The following MAPK8IP2 variants were observed in gnomAD, a reference collection of about 807,000 sequenced individuals.
The protein encoded by MAPK8IP2 is C-Jun-amino-terminal kinase-interacting protein 2.
In MAPK8IP2, 15 loss-of-function variants were observed where a neutral mutation model predicts 75.6. The ratio of observed to expected loss-of-function variants is 0.20; its 90% confidence interval spans 0.13 to 0.31. MAPK8IP2 has a LOEUF of 0.31. Ranked by LOEUF, MAPK8IP2 falls within the 10% of genes least tolerant of loss-of-function variation. MAPK8IP2 has a pLI of 1.00. For synonymous variants in MAPK8IP2, 632 were observed against 554.5 expected, an observed-to-expected ratio of 1.14 and a Z score of -1.96; for missense variants, 1,089 against 1,211.2, an observed-to-expected ratio of 0.90 and a Z score of 1.50.
chr22:50,601,595 G>T, intron 1 of MAPK8IP2, 194 bp from the exon 2 acceptor site: 1 of 566,924 alleles, frequency 1.8e-6, no homozygotes, highest in African/African-American at 1.9e-5. Flanking sequence ...GGCAGGCCTG[G>T]CTCAGATGGG....
Position 50,604,890 on chromosome 22 carries a change from G to C in MAPK8IP2, c.1591G>C (p.Gly531Arg). 6.2e-7 allele frequency: 1 copy of C among 1,608,908 alleles called. No individual in the cohort carries two copies. Among genetic ancestry groups the C allele is most frequent in the Non-Finnish European group, 8.5e-7 (1 of 1,178,574 alleles). Residue 531 changes from glycine to arginine, a missense_variant, in exon 5 of 12, where the codon GGG becomes CGG. By Grantham distance (125) the Gly-to-Arg change is moderately radical. Transcript: ENST00000329492. ...LELVSLRRCA[G>R]LGHDSEEDSG... Reference sequence around the variant, plus strand: ...GCTGGTGAGCCTGCGGCGCTGTGCTGGGCTGGGCCACGACAGCGAAGAGGA... The same window carrying C: ...GCTGGTGAGCCTGCGGCGCTGTGCTCGGCTGGGCCACGACAGCGAAGAGGA...
At chr22:50,602,138 C>T (rs988970635) in intron 2 of MAPK8IP2, among the ~76,000 whole-genome samples, 8 of 152,306 alleles carry the variant, frequency 5.3e-5, no homozygotes, top group African/African-American at 9.6e-5. Context: ...GTGGCCAGCC[C>T]GGGGCAGGGA....
Position 50,611,764 on chromosome 22 carries a change from A to G in MAPK8IP2, c.*985A>G, listed in dbSNP as rs1029921812. 1.3e-5 allele frequency: 2 copies of G among 151,918 alleles called. No homozygotes were observed. The highest frequency in any genetic ancestry group is 1.3e-4 in the Admixed American group (2 of 15,244). The allele number at this position is 151,918 out of a possible 1,614,324, so 9.4% of individuals were successfully genotyped here. On this transcript the variant is annotated 3_prime_UTR_variant, in exon 12 of 12. Coordinates refer to ENST00000329492, the MANE Select transcript of MAPK8IP2 (RefSeq NM_012324.6). This position sits in a 1 kb window ranked among gnomAD's most constrained non-coding sequence, Gnocchi z 5.5. ...ACCCTTGGGAATTCTCCCTAGATAC[A>G]CTCGATTGGCCACAGAGGAATCCGA...
chr22:50,609,934 C>T, intron 10 of MAPK8IP2: 1 of 626,216 alleles, frequency 1.6e-6, no homozygotes, highest in Non-Finnish European at 3.0e-6. Flanking sequence ...AATAGGGCCA[C>T]AGAGGGTAGC....
Position 50,607,663 on chromosome 22 carries a change from G to C in MAPK8IP2, c.2303+672G>C, listed in dbSNP as rs5770797. 0.2 allele frequency among the ~76,000 whole-genome samples: 30,172 copies of C among 151,836 alleles called. 3,466 individuals carry two copies. The highest frequency in any genetic ancestry group is 0.49 in the East Asian group (2,539 of 5,146). ...GTAGAGGGTGACCTGGAAGAGACCA[G>C]GGTGACGTCTCCCTGGGGGATGGTT... On this transcript the variant is annotated intron_variant, in intron 10 of 11. Coordinates refer to ENST00000329492, the MANE Select transcript of MAPK8IP2 (RefSeq NM_012324.6). This position sits in a 1 kb window ranked among gnomAD's most constrained non-coding sequence, Gnocchi z 5.6.
intron 8 of MAPK8IP2, 27 bp downstream of exon 8, chr22:50,605,961 G>A (rs2146687371): frequency 1.3e-6 from 2 of 1,526,910 alleles, no homozygotes; most frequent in Middle Eastern, 2.0e-4. Flanking sequence ...GGCAAGTGCA[G>A]GCTGAGGGTC....
In MAPK8IP2 at chr22:50,610,823, C is replaced by T. The variant is rs2071137345; in HGVS notation, c.*44C>T. On this transcript the variant is annotated 3_prime_UTR_variant, in exon 12 of 12. Coordinates refer to ENST00000329492, the MANE Select transcript of MAPK8IP2 (RefSeq NM_012324.6). The surrounding 1 kb of genome is among the most constrained non-coding windows in gnomAD (Gnocchi z 4.3). The stretch of plus-strand genomic sequence containing the variant: ...TCCTGGCCGTCTGCTCCAGGCGCAG[C>T]TGGGGCTGAGGATGTCTCAAGAGGC... The T allele has an allele frequency of 1.3e-6, 2 of 1,526,596 alleles. No individual in the cohort carries two copies. Among genetic ancestry groups the T allele is most frequent in the East Asian group, 2.4e-5 (1 of 41,478 alleles). The allele number at this position is 1,526,596 out of a possible 1,614,324, so 94.6% of individuals were successfully genotyped here.
rs559197151 is a variant in MAPK8IP2, at chr22:50,612,386, G to C, written c.*1607G>C. 6.6e-6 allele frequency: 1 copy of C among 152,098 alleles called. No individual in the cohort carries two copies. Among genetic ancestry groups the C allele is most frequent in the African/African-American group, 2.4e-5 (1 of 41,390 alleles). 9.4% of individuals were successfully genotyped at this position (152,098 alleles called of 1,614,324 possible). ...GTCCCTCTGTCTGAGCCCAGGATTC[G>C]TGCAACACCAGGAAGACAACAGTTG... On this transcript the variant is annotated 3_prime_UTR_variant, in exon 12 of 12. Coordinates refer to ENST00000329492, the MANE Select transcript of MAPK8IP2 (RefSeq NM_012324.6).
At position 50,600,842 on chromosome 22, in the gene MAPK8IP2, T is replaced by C. The variant is rs1363855603; in HGVS notation, c.24T>C (p.Phe8=). 7.6e-7 allele frequency: 1 copy of C among 1,309,354 alleles called. No homozygotes were observed. The highest frequency in any genetic ancestry group is 1.0e-6 in the Non-Finnish European group (1 of 1,003,678). 81.1% of individuals were successfully genotyped at this position (1,309,354 alleles called of 1,614,324 possible). A position where few individuals can be genotyped will look rare whatever the true frequency, so the allele number is the denominator to read the frequency against. MADRAEM[F]SLSTFHSLSP... ...AGATGGCGGATCGCGCGGAGATGTTTTCTCTCTCCACCTTCCACTCGCTGT... is the reference window on the plus strand; with the variant it reads ...AGATGGCGGATCGCGCGGAGATGTTCTCTCTCTCCACCTTCCACTCGCTGT... Residue 8 remains phenylalanine, a synonymous_variant, in exon 1 of 12, where the codon TTT becomes TTC. Coordinates refer to ENST00000329492, the MANE Select transcript of MAPK8IP2 (RefSeq NM_012324.6).
chr22:50,604,262 C>A lies in MAPK8IP2; in HGVS notation c.963C>A (p.Pro321=). The part of the protein sequence containing the change: ...REPPRRPAFL[P]VGPDDTNSEY... Reference sequence around the variant, plus strand: ...CCCCGCGCCGCCCCGCCTTCCTGCCCGTGGGCCCCGACGACACCAACAGCG... The same window carrying A: ...CCCCGCGCCGCCCCGCCTTCCTGCCAGTGGGCCCCGACGACACCAACAGCG... The change falls in exon 5 of 12, where the codon CCC becomes CCA. Residue 321 remains proline, a synonymous_variant. Coordinates refer to ENST00000329492, the MANE Select transcript of MAPK8IP2 (RefSeq NM_012324.6). The A allele has an allele frequency of 6.4e-7, 1 of 1,568,310 alleles. No individual in the cohort carries two copies. Among genetic ancestry groups the A allele is most frequent in the East Asian group, 2.3e-5 (1 of 42,954 alleles).
Position 50,610,454 on chromosome 22 carries a change from G to A in MAPK8IP2, c.2402+144G>A. The A allele has an allele frequency of 2.6e-6, 2 of 777,796 alleles. No homozygotes were observed. Among genetic ancestry groups the A allele is most frequent in the Admixed American group, 4.2e-5 (2 of 47,260 alleles). The allele number at this position is 777,796 out of a possible 1,614,324, so 48.2% of individuals were successfully genotyped here. On this transcript the variant is annotated intron_variant, in intron 11 of 11. Coordinates refer to ENST00000329492, the MANE Select transcript of MAPK8IP2 (RefSeq NM_012324.6). The surrounding 1 kb of genome is among the most constrained non-coding windows in gnomAD (Gnocchi z 4.3). The stretch of plus-strand genomic sequence containing the variant: ...TGTGCTGTGTAGAGAGGGCAGTGGT[G>A]GGTGACAGTTTGGGGTGCTGGGCAT...
chr22:50,601,185 G>A (rs1277626135), intron 1 of MAPK8IP2: 1 of 156,232 alleles, frequency 6.4e-6, no homozygotes, highest in Admixed American at 6.4e-5. Context: ...GACCCTCTGC[G>A]GGGGAGGATG....
intron 10 of MAPK8IP2, among the ~76,000 whole-genome samples, chr22:50,608,234 G>T (rs1014931403): frequency 6.6e-6 from 1 of 152,206 alleles, no homozygotes; most frequent in African/African-American, 2.4e-5. Context: ...GGATCCATGC[G>T]GAAACGCTGC....
Position 50,606,758 on chromosome 22 carries a change from G to A in MAPK8IP2, c.2225G>A (p.Gly742Glu). ...RGVKLSLSGG[G>E]PEFQRCSHFF... is the part of the protein sequence containing the mutation. Reference sequence around the variant, plus strand: ...GTCAAGCTGAGTCTGAGCGGAGGAGGGCCCGAGGTGGGAGTGTGGGGGACT... The same window carrying A: ...GTCAAGCTGAGTCTGAGCGGAGGAGAGCCCGAGGTGGGAGTGTGGGGGACT... Residue 742 changes from glycine to glutamate, a missense_variant, in exon 9 of 12, where the codon GGG becomes GAG. Physicochemically the swap from Gly to Glu is moderately conservative, Grantham distance 98. Transcript: ENST00000329492. 1 of 1,579,674 alleles carries A rather than the reference G, an allele frequency of 6.3e-7. No homozygotes were observed. Among genetic ancestry groups the A allele is most frequent in the South Asian group, 1.2e-5 (1 of 86,776 alleles).
At position 50,610,766 on chromosome 22, in the gene MAPK8IP2, T is replaced by A. The variant is rs2071136077; in HGVS notation, c.2462T>A (p.Ile821Asn). ...GCGTACGCCTGCCCCACGGAGGACA[T>A]CTACCTGGAGTAGCCTGCCCACCGC... ...HLAYACPTED[I>N]YLE The change falls in exon 12 of 12, where the codon ATC becomes AAC. Residue 821 changes from isoleucine (I) to asparagine (N), a missense_variant. Physicochemically the swap from Ile to Asn is moderately radical, Grantham distance 149. Around this residue, in one of 2 missense-constraint regions of MAPK8IP2, gnomAD observed 129 missense variants for 201.7 expected, o/e 0.64. Transcript: ENST00000329492. This position sits in a 1 kb window ranked among gnomAD's most constrained non-coding sequence, Gnocchi z 4.3. 1 of 1,610,140 alleles carries A rather than the reference T, an allele frequency of 6.2e-7. No homozygotes were observed. Among genetic ancestry groups the A allele is most frequent in the Non-Finnish European group, 8.5e-7 (1 of 1,178,672 alleles).
rs2070996315 is a variant in MAPK8IP2, at chr22:50,604,160, C to T, written c.861C>T (p.Ser287=). Residue 287 remains serine, a synonymous_variant, in exon 5 of 12, where the codon AGC becomes AGT. Transcript: ENST00000329492. ...GCAGCGATGGCGGAAGCAGCAGCAG[C>T]GGCCGCTCCTCGCACCTCACCAACT... ...ELSSDGGSSS[S]GRSSHLTNSI... 2 of 1,551,520 alleles carry T rather than the reference C, an allele frequency of 1.3e-6. No individual in the cohort carries two copies. Among genetic ancestry groups the T allele is most frequent in the African/African-American group, 1.4e-5 (1 of 73,422 alleles).
chr22:50,600,847 TCTCC>T lies in MAPK8IP2; in HGVS notation c.30_33del (p.Ser11ProfsTer16). On this transcript the variant is annotated frameshift_variant, in exon 1 of 12. Transcript: ENST00000329492. LOFTEE classifies it high-confidence loss of function. Reference sequence around the variant, plus strand: ...GCGGATCGCGCGGAGATGTTTTCTCTCTCCACCTTCCACTCGCTGTCGCCGCCGG... The same window carrying T: ...GCGGATCGCGCGGAGATGTTTTCTCTACCTTCCACTCGCTGTCGCCGCCGG... 7.6e-7 allele frequency: 1 copy of T among 1,308,224 alleles called. No homozygotes were observed. The highest frequency in any genetic ancestry group is 1.6e-5 in the African/African-American group (1 of 62,824). The allele number at this position is 1,308,224 out of a possible 1,614,324, so 81.0% of individuals were successfully genotyped here. A position where few individuals can be genotyped will look rare whatever the true frequency, so the allele number is the denominator to read the frequency against.
rs766592953 is a variant in MAPK8IP2 at position 50,605,406 on chromosome 22, G to A, written c.1804G>A (p.Gly602Ser). The stretch of plus-strand genomic sequence containing the variant: ...TGGCCTTTTCTCCTGTCTGGTCAAC[G>A]GCGAGGAGCGAGAGCAGACTCACCG... ...SFGLFSCLVN[G>S]EEREQTHRAV... Residue 602 changes from glycine to serine, a missense_variant, in exon 6 of 12, where the codon GGC becomes AGC. Gly to Ser is a moderately conservative substitution (Grantham distance 56, BLOSUM62 0). This residue lies in a region of MAPK8IP2 where 960 missense variants were observed against 1,009.6 expected (regional missense o/e 0.95). Transcript: ENST00000329492. 8 of 1,613,540 alleles carry A rather than the reference G, an allele frequency of 5.0e-6. No individual in the cohort carries two copies. Among genetic ancestry groups the A allele is most frequent in the Admixed American group, 1.7e-5 (1 of 60,002 alleles).
Position 50,603,715 on chromosome 22 carries a change from C to T in MAPK8IP2, c.537C>T (p.Leu179=). ...TALCSPAPEA[L]RELPGPLPAT... is the part of the protein sequence containing the mutation. Reference sequence around the variant, plus strand: ...TATGCTCACCCGCCCCGGAGGCCCTCAGAGGTGAGGGGTGGTGGGCCCGCG... The same window carrying T: ...TATGCTCACCCGCCCCGGAGGCCCTTAGAGGTGAGGGGTGGTGGGCCCGCG... The change falls in exon 4 of 12, where the codon CTC becomes CTT. Residue 179 remains leucine (L), a synonymous_variant. Coordinates refer to ENST00000329492, the MANE Select transcript of MAPK8IP2 (RefSeq NM_012324.6). 1 of 1,568,256 alleles carries T rather than the reference C, an allele frequency of 6.4e-7. No homozygotes were observed. Among genetic ancestry groups the T allele is most frequent in the Non-Finnish European group, 8.6e-7 (1 of 1,156,816 alleles).
Sources: gnomAD v4.1 joint callset for allele counts (sites outside exome capture counted in the v4.1 genomes callset) on GRCh38, gnomAD v4.1.1 for gene constraint, gnomAD v4.1.1 regional missense constraint, Gnocchi (gnomAD v3.1) non-coding constraint, MANE v1.5 for transcripts, NCBI Gene and HGNC (gene_info 2026-07-23, HGNC 2026-07-21) for gene names.